Variants in CD200R1L observed in about 807,000 individuals in gnomAD.
CD200R1L encodes cell surface glycoprotein CD200 receptor 2.
Under a neutral mutation model 24.8 loss-of-function variants are expected in CD200R1L, and 14 were observed. The observed-to-expected ratio is 0.56, with a 90% CI of 0.37 to 0.88. The LOEUF (loss-of-function observed/expected upper bound fraction) is 0.88. CD200R1L is among the 40% of genes least tolerant of loss of function. The probability of loss-of-function intolerance (pLI) is 0.00; values close to 1 mark genes in which losing one functional copy is unlikely to be tolerated. For synonymous variants in CD200R1L, 111 were observed against 109.2 expected, an observed-to-expected ratio of 1.02 and a Z score of -0.11; for missense variants, 299 against 297.8, an observed-to-expected ratio of 1.00 and a Z score of -0.03.
intron 7 of CD200R1L, among the ~76,000 whole-genome samples, chr3:112,817,595 C>T (rs1005136878): frequency 6.6e-6 from 1 of 152,204 alleles, no homozygotes; most frequent in Non-Finnish European, 1.5e-5. Flanking sequence ...TAAAGCAACA[C>T]CTCTCTTCTC....
intron 2 of CD200R1L, among the ~76,000 whole-genome samples, chr3:112,841,927 T>C (rs918421469): frequency 6.6e-6 from 1 of 152,210 alleles, no homozygotes; most frequent in African/African-American, 2.4e-5. Flanking sequence ...CTCAGAACAC[T>C]GAGAAGAGTA....
chr3:112,845,766 A>G lies in CD200R1L; in HGVS notation c.-174T>C, dbSNP rs183068170. On this transcript the variant is annotated 5_prime_UTR_variant, in exon 2 of 8. The change abolishes an upstream ATG in the 5' untranslated region. Coordinates refer to ENST00000488794, the MANE Select transcript of CD200R1L (RefSeq NM_001199215.3). ...TTTTGGAGTGGTTTTCTACTTAAAC[A>G]TAAATCCACTTTAAATCAATCAACA... The G allele has an allele frequency of 1.4e-3, 2,147 of 1,523,504 alleles. 6 individuals are homozygous for G. The highest frequency in any genetic ancestry group is 1.8e-3 in the Non-Finnish European group (2,027 of 1,100,424). The allele number at this position is 1,523,504 out of a possible 1,614,324, so 94.4% of individuals were successfully genotyped here.
At chr3:112,819,276 A>G (rs1938474817) in intron 7 of CD200R1L, among the ~76,000 whole-genome samples, 2 of 152,246 alleles carry the variant, frequency 1.3e-5, no homozygotes. Context: ...TATCACATCA[A>G]GTCGCAAAAG....
intron 7 of CD200R1L, among the ~76,000 whole-genome samples, chr3:112,819,127 CCTAA>C (rs1366631101): frequency 6.6e-6 from 1 of 152,060 alleles, no homozygotes; most frequent in African/African-American, 2.4e-5. Flanking sequence ...GTGAGAACTC[CCTAA>C]CTATCACAAG....
intron 6 of CD200R1L, among the ~76,000 whole-genome samples, chr3:112,820,971 C>A (rs1454533817): frequency 6.6e-6 from 1 of 151,338 alleles, no homozygotes; most frequent in Admixed American, 6.6e-5. Context: ...GCAGGAAAAT[C>A]TCTTGAACCC....
At chr3:112,819,721 A>T (rs201408093) in intron 7 of CD200R1L, 51 bp downstream of exon 7, 35 of 1,463,812 alleles carry the variant, frequency 2.4e-5, no homozygotes, top group Non-Finnish European at 3.0e-5. Context: ...TGTTACAATG[A>T]TACTTTTTTT....
intron 2 of CD200R1L, among the ~76,000 whole-genome samples, chr3:112,842,613 T>C (rs982091001): frequency 1.4e-4 from 22 of 152,158 alleles, no homozygotes; most frequent in African/African-American, 4.3e-4. Context: ...AGAGAGCCTA[T>C]AAATGGGTGT....
intron 4 of CD200R1L, 22 bp from the exon 5 acceptor site, chr3:112,827,706 A>G: frequency 6.3e-7 from 1 of 1,590,626 alleles, no homozygotes; most frequent in Non-Finnish European, 8.6e-7. Context: ...CACAAAGGAT[A>G]ATGATATAGA....
intron 2 of CD200R1L, among the ~76,000 whole-genome samples, chr3:112,840,763 G>T (rs577771347): frequency 6.6e-6 from 1 of 152,266 alleles, no homozygotes; most frequent in East Asian, 1.9e-4. Context: ...CCCACTTCTT[G>T]CTAGAATTCT....
chr3:112,844,991 ATAAAC>A (rs1472615792), intron 2 of CD200R1L, among the ~76,000 whole-genome samples: 1 of 152,100 alleles, frequency 6.6e-6, no homozygotes. Flanking sequence ...AAAAACAAGA[ATAAAC>A]TAACCCCAAA....
At chr3:112,844,293 A>C (rs1939147237) in intron 2 of CD200R1L, among the ~76,000 whole-genome samples, 1 of 152,218 alleles carries the variant, frequency 6.6e-6, no homozygotes, top group Non-Finnish European at 1.5e-5. Context: ...CCACATGCTC[A>C]ACCACAAAAC....
chr3:112,830,817 G>A (rs1243732687), intron 3 of CD200R1L, among the ~76,000 whole-genome samples: 2 of 151,862 alleles, frequency 1.3e-5, no homozygotes, highest in Admixed American at 6.6e-5. Context: ...GGTTGGAGAG[G>A]AGAGAGGAGA....
Position 112,827,206 on chromosome 3 carries a change from T to C in CD200R1L, c.403A>G (p.Ile135Val), listed in dbSNP as rs1407890712. The C allele has an allele frequency of 5.6e-6, 9 of 1,613,054 alleles. No homozygotes were observed. Among genetic ancestry groups the C allele is most frequent in the Non-Finnish European group, 7.6e-6 (9 of 1,179,798 alleles). The change falls in exon 6 of 8, where the codon ATA (isoleucine) becomes GTA (valine). Residue 135 changes from isoleucine to valine, a missense_variant. By Grantham distance (29) the Ile-to-Val change is conservative. Coordinates refer to ENST00000488794, the MANE Select transcript of CD200R1L (RefSeq NM_001199215.3). ...GTAACTGCCTTGCATACTGCAGTTA[T>C]ATTCCTGCTTTGAAATAGGTTCACT... ...PEVNLFQSRN[I>V]TAVCKAVTGK...
chr3:112,826,632 G>A (rs1401176607), intron 6 of CD200R1L, among the ~76,000 whole-genome samples: 1 of 152,082 alleles, frequency 6.6e-6, no homozygotes, highest in African/African-American at 2.4e-5. Context: ...AGAATTACTT[G>A]TCTCTTACTC....
At chr3:112,832,382 C>T (rs575108707) in intron 3 of CD200R1L, among the ~76,000 whole-genome samples, 63 of 152,284 alleles carry the variant, frequency 4.1e-4, no homozygotes, top group African/African-American at 1.4e-3. Context: ...TTAGAATGAA[C>T]ATGCTTAGCA....
intron 6 of CD200R1L, among the ~76,000 whole-genome samples, chr3:112,822,400 T>C (rs1294622855): frequency 6.6e-6 from 1 of 152,178 alleles, no homozygotes; most frequent in African/African-American, 2.4e-5. Flanking sequence ...TCCATTGACC[T>C]CCTGGGAGGG....
At chr3:112,836,700 T>C (rs1938957654) in intron 3 of CD200R1L, among the ~76,000 whole-genome samples, 2 of 152,246 alleles carry the variant, frequency 1.3e-5, no homozygotes, top group African/African-American at 4.8e-5. Flanking sequence ...TTAGGTAAAG[T>C]ATATTAGTAG....
At chr3:112,834,131 C>G (rs1028697404) in intron 3 of CD200R1L, among the ~76,000 whole-genome samples, 2 of 151,996 alleles carry the variant, frequency 1.3e-5, no homozygotes, top group Non-Finnish European at 1.5e-5. Flanking sequence ...GGATGGGACA[C>G]CACCCTTTAG....
At position 112,827,159 on chromosome 3, in the gene CD200R1L, G is replaced by A; in HGVS notation, c.450C>T (p.Ile150=). Residue 150 remains isoleucine, a synonymous_variant, in exon 6 of 8, where the codon ATC becomes ATT. Transcript: ENST00000488794. ...GAATAGATCCCTCTGGGATCCAGGA[G>A]ATCTGGGCAGCTGGCTTCCCTGTAA... The part of the protein sequence containing the change: ...KAVTGKPAAQ[I]SWIPEGSILA... 6.2e-7 allele frequency: 1 copy of A among 1,613,650 alleles called. No homozygotes were observed. The highest frequency in any genetic ancestry group is 8.5e-7 in the Non-Finnish European group (1 of 1,180,014).
Sources: gnomAD v4.1 joint callset for allele counts (sites outside exome capture counted in the v4.1 genomes callset) on GRCh38, gnomAD v4.1.1 for gene constraint, MANE v1.5 for transcripts, NCBI Gene and HGNC (gene_info 2026-07-23, HGNC 2026-07-21) for gene names.